MARCHF11: variants seen among roughly 807,000 people sequenced by gnomAD.
The protein encoded by MARCHF11 is E3 ubiquitin-protein ligase MARCHF11.
MARCHF11 carries 29 observed loss-of-function variants against 37.3 expected under a neutral mutation model. The ratio of observed to expected loss-of-function variants is 0.78; its 90% CI spans 0.58 to 1.06. The LOEUF (loss-of-function observed/expected upper bound fraction) is 1.06, where lower values mean the gene tolerates loss of function less well. Among genes scored for constraint, MARCHF11 ranks in the 50% least tolerant of loss-of-function variants. The probability of loss-of-function intolerance (pLI) is 0.00; values close to 1 mark genes in which losing one functional copy is unlikely to be tolerated. For synonymous variants in MARCHF11, 233 were observed against 228.0 expected, an observed-to-expected ratio of 1.02 and a Z score of -0.20; for missense variants, 482 against 533.4, an observed-to-expected ratio of 0.90 and a Z score of 0.95.
At chr5:16,169,781 T>G (rs1485692827) in intron 2 of MARCHF11, among the ~76,000 whole-genome samples, 1 of 152,142 alleles carries the variant, frequency 6.6e-6, no homozygotes, top group African/African-American at 2.4e-5. Flanking sequence ...TCCATTTACT[T>G]GTAATTGCAG....
rs112271868 is a variant in MARCHF11, at chr5:16,083,299, T to C, written c.886+7590A>G. On this transcript the variant is annotated intron_variant, in intron 3 of 3. Coordinates refer to ENST00000332432, the MANE Select transcript of MARCHF11 (RefSeq NM_001102562.3). ...AGGGAGACCAGGAAAGAGCTTAGTC[T>C]ACTCAGACATCCCCAAACCACATAA... 3.1e-3 allele frequency among the ~76,000 whole-genome samples: 470 copies of C among 152,312 alleles called. 1 individual carries two copies. Among genetic ancestry groups the C allele is most frequent in the African/African-American group, 0.011 (457 of 41,564 alleles).
intron 2 of MARCHF11, among the ~76,000 whole-genome samples, chr5:16,168,877 T>C (rs1479300483): frequency 1.3e-5 from 2 of 152,132 alleles, no homozygotes; most frequent in East Asian, 3.9e-4. Context: ...ATAGGGCACT[T>C]GTATACATAT....
intron 2 of MARCHF11, among the ~76,000 whole-genome samples, chr5:16,165,696 CA>C (rs1374600211): frequency 6.6e-6 from 1 of 152,162 alleles, no homozygotes; most frequent in South Asian, 2.1e-4. Context: ...CACATCATAT[CA>C]GGGGCAGATG....
chr5:16,158,315 T>C (rs1738012889), intron 2 of MARCHF11, among the ~76,000 whole-genome samples: 1 of 151,970 alleles, frequency 6.6e-6, no homozygotes, highest in Non-Finnish European at 1.5e-5. Context: ...CATAGATATC[T>C]GCACTCCCAT....
At position 16,070,760 on chromosome 5, in the gene MARCHF11, A is replaced by G. The variant is rs560046969; in HGVS notation, c.887-2967T>C. On this transcript the variant is annotated intron_variant, in intron 3 of 3. Coordinates refer to ENST00000332432, the MANE Select transcript of MARCHF11 (RefSeq NM_001102562.3). ...AACTACTTGAAGTTTTCATGAAGAC[A>G]CAGTCCCTTTGAATTTCCAGCTCCC... Among the ~76,000 whole-genome samples the G allele has an allele frequency of 2.6e-5, 4 of 152,350 alleles. No homozygotes were observed. The South Asian group carries it at 8.3e-4, about 32-fold the overall frequency.
At chr5:16,086,776 A>T (rs916627960) in intron 3 of MARCHF11, among the ~76,000 whole-genome samples, 2 of 152,154 alleles carry the variant, frequency 1.3e-5, no homozygotes, top group Non-Finnish European at 2.9e-5. Context: ...CTGGTCCCTC[A>T]AACTTTTAGT....
rs146640654 is a variant in MARCHF11 at position 16,109,656 on chromosome 5, T to TG, written c.694-18576dup. Among the ~76,000 whole-genome samples, 17 of 152,116 alleles carry TG rather than the reference T, an allele frequency of 1.1e-4. 1 individual carries two copies. In the East Asian group the frequency reaches 2.7e-3, roughly 24 times the overall value. ...AGCTAACAACTGGACCCAAGGCAGG[T>TG]GGGGGGAGGCATGGAAACCCACAAC... On this transcript the variant is annotated intron_variant, in intron 2 of 3. Coordinates refer to ENST00000332432, the MANE Select transcript of MARCHF11 (RefSeq NM_001102562.3).
chr5:16,148,545 C>A (rs114430349), intron 2 of MARCHF11, among the ~76,000 whole-genome samples: 6 of 152,264 alleles, frequency 3.9e-5, no homozygotes, highest in African/African-American at 1.4e-4. Flanking sequence ...GCATCTGACC[C>A]TTTCATTGCC....
At chr5:16,112,634 T>C (rs1214998132) in intron 2 of MARCHF11, among the ~76,000 whole-genome samples, 1 of 152,214 alleles carries the variant, frequency 6.6e-6, no homozygotes, top group Non-Finnish European at 1.5e-5. Flanking sequence ...TTTGATTTAA[T>C]GCTGAAATCA....
chr5:16,160,392 ATATATTTATATAATTTTATAATTT>A (rs1738054438), intron 2 of MARCHF11, among the ~76,000 whole-genome samples: 1 of 144,986 alleles, frequency 6.9e-6, no homozygotes, highest in Admixed American at 7.0e-5. Context: ...ATAATATAAT[ATATATTTATATAATTTTATAATTT>A]TATATTTATA....
At chr5:16,136,574 T>A (rs2126588342) in intron 2 of MARCHF11, among the ~76,000 whole-genome samples, 1 of 152,304 alleles carries the variant, frequency 6.6e-6, no homozygotes, top group African/African-American at 2.4e-5. Context: ...CTGTGAGAAC[T>A]ATGGTTATAG....
intron 2 of MARCHF11, among the ~76,000 whole-genome samples, chr5:16,116,489 G>A (rs912882060): frequency 6.6e-6 from 1 of 152,080 alleles, no homozygotes; most frequent in African/African-American, 2.4e-5. Flanking sequence ...GCAGAGAATT[G>A]TTATTACAAG....
intron 2 of MARCHF11, among the ~76,000 whole-genome samples, chr5:16,109,294 T>G (rs1016364762): frequency 1.3e-5 from 2 of 152,148 alleles, no homozygotes; most frequent in Non-Finnish European, 2.9e-5. Context: ...ACCTCATGAT[T>G]ACAGGGCTAA....
At chr5:16,092,462 T>C (rs1736803380) in intron 2 of MARCHF11, among the ~76,000 whole-genome samples, 1 of 152,340 alleles carries the variant, frequency 6.6e-6, no homozygotes, top group African/African-American at 2.4e-5. Flanking sequence ...ATTAATTTAG[T>C]GAGAAATGGT....
intron 2 of MARCHF11, among the ~76,000 whole-genome samples, chr5:16,172,681 T>G (rs1738290193): frequency 6.6e-6 from 1 of 152,202 alleles, no homozygotes; most frequent in African/African-American, 2.4e-5. Context: ...CAATGGTAAT[T>G]TTTCAGCTCC....
chr5:16,154,622 T>C (rs1429183668), intron 2 of MARCHF11, among the ~76,000 whole-genome samples: 11 of 151,914 alleles, frequency 7.2e-5, no homozygotes, highest in Non-Finnish European at 1.5e-4. Flanking sequence ...GAGGAAACTT[T>C]GTAATGATGT....
At chr5:16,124,440 T>C (rs1193971873) in intron 2 of MARCHF11, among the ~76,000 whole-genome samples, 4 of 152,244 alleles carry the variant, frequency 2.6e-5, no homozygotes, top group South Asian at 4.1e-4. Context: ...CTTGTTAGAA[T>C]GTAGTGGGGA....
At chr5:16,103,368 T>C (rs1281502276) in intron 2 of MARCHF11, among the ~76,000 whole-genome samples, 1 of 151,994 alleles carries the variant, frequency 6.6e-6, no homozygotes, top group African/African-American at 2.4e-5. Context: ...TGGGAAATAG[T>C]GGGGTTTTAT....
At position 16,167,939 on chromosome 5, in the gene MARCHF11, A is replaced by G. The variant is rs1738197956; in HGVS notation, c.693+9787T>C. Among the ~76,000 whole-genome samples the G allele has an allele frequency of 3.3e-5, 5 of 152,136 alleles. No individual in the cohort carries two copies. The South Asian group carries it at 1.0e-3, about 31-fold the overall frequency. On this transcript the variant is annotated intron_variant, in intron 2 of 3. Transcript: ENST00000332432. Reference sequence around the variant, plus strand: ...TAACAATTTCTACTATGAGTAACATACTAGAAAACAACAAAGAATACTTTG... The same window carrying G: ...TAACAATTTCTACTATGAGTAACATGCTAGAAAACAACAAAGAATACTTTG...
Sources: allele counts gnomAD v4.1 joint callset (sites outside exome capture counted in the v4.1 genomes callset), GRCh38; gene constraint gnomAD v4.1.1; transcripts MANE v1.5; gene names NCBI Gene and HGNC (gene_info 2026-07-23, HGNC 2026-07-21).